PRKCA: variants seen among roughly 807,000 people sequenced by gnomAD.
PRKCA encodes the protein protein kinase C alpha.
Under a neutral mutation model 87.0 loss-of-function variants are expected in PRKCA, and 27 were observed. The observed-to-expected ratio is 0.31, with a 90% CI of 0.23 to 0.43. PRKCA has a LOEUF of 0.43. Among genes scored for constraint, PRKCA ranks in the 20% least tolerant of loss-of-function variants. The pLI, the probability that PRKCA is intolerant of heterozygous loss-of-function variation, is 1.00. For synonymous variants in PRKCA, 329 were observed against 311.1 expected (o/e 1.06, Z -0.61); for missense variants, 518 against 852.3 (o/e 0.61, Z 4.88).
chr17:66,437,720 C>CTTTTTTTTTTTT (rs567333890), intron 2 of PRKCA, among the ~76,000 whole-genome samples: 1 of 32,834 alleles, frequency 3.0e-5, no homozygotes, highest in Non-Finnish European at 4.9e-5. Context: ...TTCAAGTTTC[C>CTTTTTTTTTTTT]TTTTTTTTTT....
In PRKCA at chr17:66,688,393, T is replaced by G; in HGVS notation, c.778T>G (p.Ser260Ala). Residue 260 changes from serine (S) to alanine (A), a missense_variant, in exon 7 of 17, where the codon TCC becomes GCC. By Grantham distance (99) the Ser-to-Ala change is moderately conservative (BLOSUM62 1). Transcript: ENST00000413366. The stretch of plus-strand genomic sequence containing the variant: ...AAGGAATGACTTCATGGGATCCCTT[T>G]CCTTTGGAGTTTCGGAGCTGATGAA... ...TTRNDFMGSL[S>A]FGVSELMKMP... is the part of the protein sequence containing the mutation. 1 of 1,614,196 alleles carries G rather than the reference T, an allele frequency of 6.2e-7. No homozygotes were observed. The highest frequency in any genetic ancestry group is 1.3e-5 in the African/African-American group (1 of 75,054).
intron 1 of PRKCA, among the ~76,000 whole-genome samples, chr17:66,304,306 G>C (rs1044859745): frequency 1.3e-5 from 2 of 152,198 alleles, no homozygotes; most frequent in African/African-American, 4.8e-5. Context: ...CTTCTTCCCA[G>C]ATCCCCGTCA....
intron 3 of PRKCA, among the ~76,000 whole-genome samples, chr17:66,527,391 A>T (rs1311374332): frequency 6.6e-6 from 1 of 152,200 alleles, no homozygotes; most frequent in Non-Finnish European, 1.5e-5. Flanking sequence ...TAAGGCGACA[A>T]ATTGCAGATT....
chr17:66,555,654 C>T (rs1172557065), intron 3 of PRKCA, among the ~76,000 whole-genome samples: 2 of 152,162 alleles, frequency 1.3e-5, no homozygotes, highest in Admixed American at 6.5e-5. Context: ...ACTTACACTA[C>T]TGGAAAACAA....
At chr17:66,747,128 G>A (rs1348558412) in intron 13 of PRKCA, among the ~76,000 whole-genome samples, 4 of 152,218 alleles carry the variant, frequency 2.6e-5, no homozygotes, top group Non-Finnish European at 4.4e-5. Flanking sequence ...CTGGAGTGCA[G>A]TAGCAATCAT....
At chr17:66,525,718 G>A (rs1967324526) in intron 3 of PRKCA, among the ~76,000 whole-genome samples, 1 of 152,200 alleles carries the variant, frequency 6.6e-6, no homozygotes, top group East Asian at 1.9e-4. Flanking sequence ...TCCTAGAAGT[G>A]TTGATGAAAG....
At chr17:66,414,071 C>T (rs969072053) in intron 2 of PRKCA, among the ~76,000 whole-genome samples, 22 of 151,406 alleles carry the variant, frequency 1.5e-4, no homozygotes, top group South Asian at 6.3e-4. Context: ...TAGATAGGGA[C>T]GTAATTTCCC....
At chr17:66,742,916 AT>A (rs1974188391) in intron 13 of PRKCA, among the ~76,000 whole-genome samples, 156 bp downstream of exon 13, 1 of 152,232 alleles carries the variant, frequency 6.6e-6, no homozygotes, top group Admixed American at 6.5e-5. Context: ...AATAGAGGAA[AT>A]AGGAGAGCCC....
intron 3 of PRKCA, among the ~76,000 whole-genome samples, chr17:66,612,316 G>T (rs1263105543): frequency 6.7e-6 from 1 of 149,742 alleles, no homozygotes; most frequent in Non-Finnish European, 1.5e-5. Context: ...AGGAGATGGA[G>T]GTTGCAGTGA....
intron 2 of PRKCA, among the ~76,000 whole-genome samples, chr17:66,478,097 G>T (rs971789386): frequency 6.6e-6 from 1 of 152,180 alleles, no homozygotes; most frequent in African/African-American, 2.4e-5. Flanking sequence ...ATGTTTAAAG[G>T]GGAAGGAGGA....
At chr17:66,407,171 C>T (rs1410007015) in intron 2 of PRKCA, among the ~76,000 whole-genome samples, 11 of 150,950 alleles carry the variant, frequency 7.3e-5, no homozygotes, top group African/African-American at 2.7e-4. Context: ...TTGGTTTTAT[C>T]CGTCTTAAAA....
At chr17:66,406,930 T>G (rs1911445336) in intron 2 of PRKCA, among the ~76,000 whole-genome samples, 1 of 152,106 alleles carries the variant, frequency 6.6e-6, no homozygotes, top group Admixed American at 6.6e-5. Flanking sequence ...AGAGGACACT[T>G]CCTTTCCAGG....
intron 5 of PRKCA, among the ~76,000 whole-genome samples, chr17:66,667,322 A>C (rs1972068275): frequency 6.6e-6 from 1 of 152,210 alleles, no homozygotes; most frequent in South Asian, 2.1e-4. Context: ...ACTGCTAATA[A>C]AGACATACCT....
rs1476360925 is a variant in PRKCA at position 66,809,863 on chromosome 17, T to A, written c.*5826T>A. ...TGCTCCGTGAGGCTCTGTGGCCATCTTTTGGCAGGAGGAGGATGCTTCCTT... is the reference window on the plus strand; with the variant it reads ...TGCTCCGTGAGGCTCTGTGGCCATCATTTGGCAGGAGGAGGATGCTTCCTT... On this transcript the variant is annotated 3_prime_UTR_variant, in exon 17 of 17. Transcript: ENST00000413366. 6.6e-6 allele frequency: 1 copy of A among 152,232 alleles called. No homozygotes were observed. Among genetic ancestry groups the A allele is most frequent in the Non-Finnish European group, 1.5e-5 (1 of 68,054 alleles). 9.4% of individuals were successfully genotyped at this position (152,232 alleles called of 1,614,324 possible). A position where few individuals can be genotyped will look rare whatever the true frequency, so the allele number is the denominator to read the frequency against.
intron 2 of PRKCA, among the ~76,000 whole-genome samples, chr17:66,403,103 T>C (rs1376616901): frequency 6.6e-6 from 1 of 152,226 alleles, no homozygotes; most frequent in Non-Finnish European, 1.5e-5. Flanking sequence ...AAGAATCTAC[T>C]CTATGTTTGG....
At chr17:66,741,076 G>A (rs908124521) in intron 11 of PRKCA, among the ~76,000 whole-genome samples, 5 of 152,132 alleles carry the variant, frequency 3.3e-5, no homozygotes, top group South Asian at 4.1e-4. Context: ...TTAAATATTC[G>A]CCTCCTTTTA....
intron 2 of PRKCA, among the ~76,000 whole-genome samples, chr17:66,389,569 A>G (rs899907741): frequency 3.3e-5 from 5 of 152,334 alleles, no homozygotes; most frequent in South Asian, 2.1e-4. Context: ...GTCTTCAACA[A>G]CATCTTTCAT....
chr17:66,613,600 T>C (rs946688674), intron 3 of PRKCA, among the ~76,000 whole-genome samples: 4 of 152,078 alleles, frequency 2.6e-5, no homozygotes, highest in African/African-American at 9.7e-5. Context: ...TCTTCCTGGC[T>C]TCTGGGGCCT....
intron 3 of PRKCA, among the ~76,000 whole-genome samples, chr17:66,609,631 A>G (rs1240023475): frequency 6.6e-6 from 1 of 152,134 alleles, no homozygotes; most frequent in Non-Finnish European, 1.5e-5. Context: ...TGTCTGAATG[A>G]TTTGACCAGA....
Sources: gnomAD v4.1 joint callset for allele counts (sites outside exome capture counted in the v4.1 genomes callset) on GRCh38, gnomAD v4.1.1 for gene constraint, MANE v1.5 for transcripts, NCBI Gene and HGNC (gene_info 2026-07-23, HGNC 2026-07-21) for gene names.